The following DISC1 variants were observed in gnomAD, a reference collection of about 807,000 sequenced individuals.
DISC1 encodes the protein DISC1 scaffold protein, also known as disrupted in schizophrenia 1 protein.
In DISC1, 57 loss-of-function variants were observed where a neutral mutation model predicts 84.5. That is an observed-to-expected ratio of 0.67 (90% confidence interval 0.55 to 0.84). DISC1 has a LOEUF of 0.84. Ranked by LOEUF, DISC1 falls within the 40% of genes least tolerant of loss-of-function variation. DISC1 has a pLI of 0.00. For missense variants in DISC1, 1,000 were observed against 1,057.8 expected, an observed-to-expected ratio of 0.95 and a Z score of 0.76; for synonymous variants, 411 against 415.2, an observed-to-expected ratio of 0.99 and a Z score of 0.12.
At chr1:231,640,252 C>A (rs1189278987) in intron 1 of DISC1, among the ~76,000 whole-genome samples, 1 of 152,200 alleles carries the variant, frequency 6.6e-6, no homozygotes, top group Non-Finnish European at 1.5e-5. Flanking sequence ...TATTGTACTG[C>A]CTCCGTTTCT....
chr1:231,771,690 C>G, intron 6 of DISC1: 1 of 633,274 alleles, frequency 1.6e-6, no homozygotes, highest in African/African-American at 2.0e-5. Context: ...ATTTACACTC[C>G]TGTTCATTAA....
chr1:231,711,283 T>C (rs1215988166), intron 3 of DISC1, among the ~76,000 whole-genome samples: 2 of 151,912 alleles, frequency 1.3e-5, no homozygotes, highest in African/African-American at 4.8e-5. Context: ...AGTACAAATA[T>C]GTGAAACTTC....
intron 11 of DISC1, among the ~76,000 whole-genome samples, chr1:232,024,104 T>A (rs546243751): frequency 8.6e-5 from 13 of 152,022 alleles, no homozygotes; most frequent in African/African-American, 3.1e-4. Flanking sequence ...ATGTATTTGC[T>A]GTCTTCTCAC....
At chr1:231,768,467 C>A (rs113681620) in intron 5 of DISC1, among the ~76,000 whole-genome samples, 1 of 152,268 alleles carries the variant, frequency 6.6e-6, no homozygotes, top group East Asian at 1.9e-4. Context: ...ATCATTATAA[C>A]GTTTGGATAG....
intron 1 of DISC1, among the ~76,000 whole-genome samples, chr1:231,656,488 C>G (rs1259876282): frequency 2.0e-5 from 3 of 152,106 alleles, no homozygotes; most frequent in Admixed American, 1.3e-4. Context: ...ATTACAATAG[C>G]CTTGCAGTAT....
intron 6 of DISC1, among the ~76,000 whole-genome samples, chr1:231,775,746 C>G (rs1055852236): frequency 6.6e-6 from 1 of 152,264 alleles, no homozygotes; most frequent in Admixed American, 6.5e-5. Flanking sequence ...GGATTTCAAC[C>G]CCCCTGCTTT....
intron 9 of DISC1, among the ~76,000 whole-genome samples, chr1:231,916,033 C>T (rs546158981): frequency 2.6e-5 from 4 of 152,230 alleles, no homozygotes; most frequent in East Asian, 3.9e-4. Flanking sequence ...TACAGGATTA[C>T]GAAGAGTAGC....
chr1:231,790,493 C>T (rs1201700674), intron 6 of DISC1, among the ~76,000 whole-genome samples: 3 of 151,890 alleles, frequency 2.0e-5, no homozygotes, highest in Non-Finnish European at 4.4e-5. Context: ...CCACATGTGT[C>T]TGTCTCCGCA....
intron 6 of DISC1, among the ~76,000 whole-genome samples, chr1:231,782,077 G>T (rs914183094): frequency 1.3e-5 from 2 of 152,230 alleles, no homozygotes; most frequent in Non-Finnish European, 2.9e-5. Context: ...GCTGCTTTCA[G>T]TGGGGGGTGC....
At chr1:231,777,384 CTAATTTTT>C (rs1018360742) in intron 6 of DISC1, among the ~76,000 whole-genome samples, 1 of 152,052 alleles carries the variant, frequency 6.6e-6, no homozygotes, top group African/African-American at 2.4e-5. Context: ...CCATGCCAGG[CTAATTTTT>C]TAATTTTTTA....
intron 10 of DISC1, among the ~76,000 whole-genome samples, chr1:231,991,941 A>G (rs1448257296): frequency 6.6e-6 from 1 of 152,054 alleles, no homozygotes; most frequent in Non-Finnish European, 1.5e-5. Context: ...TTTTTGCTTA[A>G]TTTTTCTTGG....
intron 1 of DISC1, among the ~76,000 whole-genome samples, chr1:231,664,821 T>C (rs1483587650): frequency 1.3e-5 from 2 of 152,154 alleles, no homozygotes; most frequent in Admixed American, 6.5e-5. Context: ...GAATTTTTTT[T>C]TTAGTAAATA....
intron 9 of DISC1, among the ~76,000 whole-genome samples, chr1:231,914,111 C>T (rs950497780): frequency 4.6e-5 from 7 of 152,180 alleles, no homozygotes; most frequent in South Asian, 2.1e-4. Context: ...CTTTCCACTC[C>T]GCCCATCCCT....
chr1:232,001,153 AC>A (rs1666633078), intron 10 of DISC1, among the ~76,000 whole-genome samples: 1 of 152,132 alleles, frequency 6.6e-6, no homozygotes. Flanking sequence ...ATCTTGGTTC[AC>A]CGCAACCTCC....
chr1:231,828,029 C>T (rs2081981246), intron 9 of DISC1, among the ~76,000 whole-genome samples: 1 of 152,138 alleles, frequency 6.6e-6, no homozygotes, highest in African/African-American at 2.4e-5. Flanking sequence ...ACTGATGACA[C>T]ACTTTGCTTT....
chr1:231,818,638 G>A, intron 9 of DISC1, 121 bp downstream of exon 9: 1 of 1,478,820 alleles, frequency 6.8e-7, no homozygotes. Flanking sequence ...GGAGCACATG[G>A]CCCTTTTCCT....
intron 10 of DISC1, among the ~76,000 whole-genome samples, chr1:231,966,216 A>G (rs1467235140): frequency 6.8e-6 from 1 of 146,706 alleles, no homozygotes; most frequent in Non-Finnish European, 1.5e-5. Flanking sequence ...GCCCAAATCC[A>G]TTTGTCTTGC....
At chr1:232,032,001 C>T (rs1403669836) in intron 12 of DISC1, among the ~76,000 whole-genome samples, 1 of 152,092 alleles carries the variant, frequency 6.6e-6, no homozygotes, top group Non-Finnish European at 1.5e-5. Flanking sequence ...ATGCTTGGGA[C>T]TAGAAGTGTT....
chr1:231,873,205 C>T (rs907067949), intron 9 of DISC1, among the ~76,000 whole-genome samples: 1 of 152,194 alleles, frequency 6.6e-6, no homozygotes, highest in Non-Finnish European at 1.5e-5. Flanking sequence ...AGAACAAACC[C>T]ATTATCTGAT....
Sources: gnomAD v4.1 joint callset for allele counts (sites outside exome capture counted in the v4.1 genomes callset) on GRCh38, gnomAD v4.1.1 for gene constraint, MANE v1.5 for transcripts, NCBI Gene and HGNC (gene_info 2026-07-23, HGNC 2026-07-21) for gene names.